ERC2: variants seen among roughly 807,000 people sequenced by gnomAD.
ERC2 encodes the protein ELKS/RAB6-interacting/CAST family member 2.
ERC2 carries 42 observed loss-of-function variants against 114.8 expected under a neutral mutation model. The ratio of observed to expected loss-of-function variants is 0.37; its 90% CI spans 0.29 to 0.47. The LOEUF is 0.47. Among genes scored for constraint, ERC2 ranks in the 20% least tolerant of loss-of-function variants. The pLI, the probability that ERC2 is intolerant of heterozygous loss-of-function variation, is 0.99. For synonymous variants in ERC2, 454 were observed against 425.5 expected (o/e 1.07, Z -0.82); for missense variants, 939 against 1,150.7 (o/e 0.82, Z 2.66).
chr3:56,170,589 T>TTTTTTG (rs2082588412), intron 4 of ERC2, among the ~76,000 whole-genome samples: 2 of 25,748 alleles, frequency 7.8e-5, no homozygotes, highest in South Asian at 6.8e-3. Flanking sequence ...TCTTCTGTTT[T>TTTTTTG]TTTTTTTTTT....
At chr3:56,224,301 T>A (rs2050112794) in intron 3 of ERC2, among the ~76,000 whole-genome samples, 1 of 152,178 alleles carries the variant, frequency 6.6e-6, no homozygotes. Context: ...GTGTTTACGT[T>A]AAAGGATGTC....
chr3:56,146,456 T>C (rs967392652), intron 5 of ERC2, among the ~76,000 whole-genome samples: 5 of 152,196 alleles, frequency 3.3e-5, no homozygotes, highest in Non-Finnish European at 1.5e-5. Flanking sequence ...TTTTTAACAA[T>C]AAAAGAGGTG....
chr3:56,034,498 T>C (rs1051635923), intron 7 of ERC2, among the ~76,000 whole-genome samples: 3 of 152,072 alleles, frequency 2.0e-5, no homozygotes, highest in Non-Finnish European at 4.4e-5. Flanking sequence ...AACAGACATA[T>C]ACAAAACATT....
intron 14 of ERC2, among the ~76,000 whole-genome samples, chr3:55,835,196 C>T (rs1277019467): frequency 6.6e-6 from 1 of 152,144 alleles, no homozygotes; most frequent in Non-Finnish European, 1.5e-5. Flanking sequence ...GGTACCATTC[C>T]TTCTGAAACT....
chr3:55,518,115 T>C (rs2052660065), intron 17 of ERC2, among the ~76,000 whole-genome samples: 1 of 151,994 alleles, frequency 6.6e-6, no homozygotes, highest in Non-Finnish European at 1.5e-5. Flanking sequence ...CTCCCAGTCA[T>C]GCAATCAAAA....
intron 6 of ERC2, among the ~76,000 whole-genome samples, chr3:56,123,373 A>G (rs183258943): frequency 6.6e-6 from 1 of 152,062 alleles, no homozygotes; most frequent in Admixed American, 6.6e-5. Context: ...TGTGAACCAG[A>G]AAACTGGCAC....
chr3:56,398,967 A>G (rs1332001036), intron 2 of ERC2, among the ~76,000 whole-genome samples: 2 of 152,220 alleles, frequency 1.3e-5, no homozygotes, highest in African/African-American at 4.8e-5. Context: ...CAGCAGAACC[A>G]GGTTTAGAAC....
At chr3:55,940,001 G>A (rs1179995120) in intron 13 of ERC2, among the ~76,000 whole-genome samples, 1 of 152,234 alleles carries the variant, frequency 6.6e-6, no homozygotes, top group African/African-American at 2.4e-5. Flanking sequence ...CTGCACTCCA[G>A]ATGGAAAACA....
chr3:56,049,981 G>A (rs191819310), intron 7 of ERC2, among the ~76,000 whole-genome samples: 2 of 151,944 alleles, frequency 1.3e-5, no homozygotes, highest in Non-Finnish European at 2.9e-5. Context: ...CATATCTATG[G>A]GTCCATTTAT....
At chr3:55,642,347 T>C (rs78332449) in intron 17 of ERC2, among the ~76,000 whole-genome samples, 44 of 49,958 alleles carry the variant, frequency 8.8e-4, no homozygotes, top group South Asian at 7.0e-3. Context: ...TTTTTTTTTT[T>C]CTTTTTTGAC....
At chr3:56,378,624 C>T (rs1363533393) in intron 2 of ERC2, among the ~76,000 whole-genome samples, 2 of 151,300 alleles carry the variant, frequency 1.3e-5, no homozygotes, top group Non-Finnish European at 2.9e-5. Flanking sequence ...CAAGATTGTG[C>T]TCTAGATTTA....
intron 14 of ERC2, among the ~76,000 whole-genome samples, chr3:55,753,616 A>G (rs1190034652): frequency 6.6e-6 from 1 of 152,208 alleles, no homozygotes; most frequent in African/African-American, 2.4e-5. Flanking sequence ...AAACTCATCA[A>G]GTTGGTGTAA....
In ERC2 at chr3:56,374,691, T is replaced by C. The variant is rs552293141; in HGVS notation, c.657+59660A>G. Among the ~76,000 whole-genome samples, 6 of 152,266 alleles carry C rather than the reference T, an allele frequency of 3.9e-5. No homozygotes were observed. The South Asian group carries it at 1.2e-3, about 32-fold the overall frequency. On this transcript the variant is annotated intron_variant, in intron 2 of 17. Coordinates refer to ENST00000288221, the MANE Select transcript of ERC2 (RefSeq NM_015576.3). ...CAGCCCCTGTTATCAGTACCCACTA[T>C]TATGTCATCCTCAAAGCGCTTCTGT...
chr3:56,269,568 A>G (rs979376027), intron 3 of ERC2, among the ~76,000 whole-genome samples: 16 of 152,240 alleles, frequency 1.1e-4, no homozygotes, highest in Admixed American at 1.0e-3. Context: ...TCTTAGCAAC[A>G]TAGGAGGAAC....
At chr3:55,932,895 GT>G (rs2066191340) in intron 13 of ERC2, among the ~76,000 whole-genome samples, 1 of 152,188 alleles carries the variant, frequency 6.6e-6, no homozygotes, top group Admixed American at 6.5e-5. Flanking sequence ...AGCAAAAATG[GT>G]ATTGTTAATT....
chr3:55,863,418 C>G (rs2062112675), intron 14 of ERC2, among the ~76,000 whole-genome samples: 1 of 152,050 alleles, frequency 6.6e-6, no homozygotes, highest in South Asian at 2.1e-4. Context: ...CTATGAACTG[C>G]TGGAATTTAT....
At chr3:55,704,837 C>T (rs2063401516) in intron 15 of ERC2, among the ~76,000 whole-genome samples, 1 of 152,230 alleles carries the variant, frequency 6.6e-6, no homozygotes, top group Non-Finnish European at 1.5e-5. Flanking sequence ...TCACTCAACA[C>T]TTACTGAACA....
At chr3:55,758,803 T>C (rs1239410818) in intron 14 of ERC2, among the ~76,000 whole-genome samples, 2 of 152,190 alleles carry the variant, frequency 1.3e-5, no homozygotes, top group Non-Finnish European at 2.9e-5. Context: ...AAGAAGGTTA[T>C]GGTGGGTTTA....
chr3:55,709,966 T>C lies in ERC2; in HGVS notation c.2713-10454A>G, dbSNP rs1286411820. Among the ~76,000 whole-genome samples the C allele has an allele frequency of 2.0e-5, 3 of 152,106 alleles. No homozygotes were observed. In the South Asian group the frequency reaches 6.2e-4, roughly 32 times the overall value. On this transcript the variant is annotated intron_variant, in intron 15 of 17. Coordinates refer to ENST00000288221, the MANE Select transcript of ERC2 (RefSeq NM_015576.3). ...ACAACTGGAGAAAATGTAAACATGC[T>C]CATTAGCAGTTTTCCAATCAGTTGA... is the stretch of plus-strand genomic sequence containing the variant.
Sources: gnomAD v4.1 joint callset for allele counts (sites outside exome capture counted in the v4.1 genomes callset) on GRCh38, gnomAD v4.1.1 for gene constraint, MANE v1.5 for transcripts, NCBI Gene and HGNC (gene_info 2026-07-23, HGNC 2026-07-21) for gene names.